PPP3CA: variants seen among roughly 807,000 people sequenced by gnomAD.
PPP3CA encodes protein phosphatase 3 catalytic subunit alpha.
Under a neutral mutation model 66.5 loss-of-function variants are expected in PPP3CA, and 14 were observed. The observed-to-expected ratio is 0.21, with a 90% CI of 0.14 to 0.33. The LOEUF (loss-of-function observed/expected upper bound fraction) is 0.33, where lower values mean the gene tolerates loss of function less well. Among genes scored for constraint, PPP3CA ranks in the 10% least tolerant of loss-of-function variants. The probability of loss-of-function intolerance (pLI) is 1.00; values close to 1 mark genes in which losing one functional copy is unlikely to be tolerated. For synonymous variants in PPP3CA, 232 were observed against 226.2 expected, an observed-to-expected ratio of 1.03 and a Z score of -0.23; for missense variants, 317 against 639.5, an observed-to-expected ratio of 0.50 and a Z score of 5.44.
intron 1 of PPP3CA, among the ~76,000 whole-genome samples, chr4:101,280,819 C>CAAAAAAAAA (rs5860668): frequency 1.2e-5 from 1 of 84,606 alleles, no homozygotes; most frequent in Non-Finnish European, 2.8e-5. Context: ...GACTCAGTCT[C>CAAAAAAAAA]AAAAAAAAAA....
chr4:101,080,908 A>G (rs1167241035), intron 7 of PPP3CA, among the ~76,000 whole-genome samples: 1 of 152,180 alleles, frequency 6.6e-6, no homozygotes, highest in Non-Finnish European at 1.5e-5. Flanking sequence ...TTGGAAAATC[A>G]TAATTCATTT....
intron 2 of PPP3CA, among the ~76,000 whole-genome samples, chr4:101,191,996 G>A (rs186948445): frequency 2.8e-3 from 425 of 152,206 alleles, no homozygotes; most frequent in Non-Finnish European, 4.6e-3. Flanking sequence ...CAGAACATGA[G>A]TTCTAAATCA....
At chr4:101,145,423 C>T (rs1722938536) in intron 2 of PPP3CA, among the ~76,000 whole-genome samples, 1 of 152,062 alleles carries the variant, frequency 6.6e-6, no homozygotes, top group African/African-American at 2.4e-5. Flanking sequence ...GGTACATATA[C>T]ATAAGGGAGT....
chr4:101,211,444 A>G (rs1560660899), intron 1 of PPP3CA, among the ~76,000 whole-genome samples: 2 of 152,184 alleles, frequency 1.3e-5, no homozygotes, highest in Non-Finnish European at 1.5e-5. Flanking sequence ...TCTAAATGCA[A>G]TAATGTTTAT....
chr4:101,043,970 C>T (rs991131901), intron 10 of PPP3CA, among the ~76,000 whole-genome samples: 1 of 152,110 alleles, frequency 6.6e-6, no homozygotes, highest in African/African-American at 2.4e-5. Context: ...ATAACCTGAC[C>T]ATGGACAGTA....
At chr4:101,038,516 C>T (rs1245961844) in intron 11 of PPP3CA, among the ~76,000 whole-genome samples, 3 of 151,858 alleles carry the variant, frequency 2.0e-5, no homozygotes, top group Non-Finnish European at 4.4e-5. Context: ...ATTACAGGCA[C>T]GTGTCACCAT....
intron 1 of PPP3CA, among the ~76,000 whole-genome samples, chr4:101,255,764 C>T (rs1029289776): frequency 4.0e-5 from 6 of 151,814 alleles, no homozygotes; most frequent in African/African-American, 1.2e-4. Flanking sequence ...CTCTGTAGTG[C>T]CACATTTAAA....
At chr4:101,292,081 AACACACACACACACACACACACAC>A (rs3974776) in intron 1 of PPP3CA, among the ~76,000 whole-genome samples, 4 of 130,726 alleles carry the variant, frequency 3.1e-5, no homozygotes, top group South Asian at 2.9e-4. Context: ...TGAGCCCATG[AACACACACACACACACACACACAC>A]ACACACACAC....
At chr4:101,178,898 C>A (rs1003770112) in intron 2 of PPP3CA, among the ~76,000 whole-genome samples, 1 of 152,100 alleles carries the variant, frequency 6.6e-6, no homozygotes, top group Non-Finnish European at 1.5e-5. Context: ...CCACCTCTGA[C>A]AAATCCTTTC....
chr4:101,328,278 A>C (rs1173792829), intron 1 of PPP3CA, among the ~76,000 whole-genome samples: 3 of 152,236 alleles, frequency 2.0e-5, no homozygotes, highest in Non-Finnish European at 4.4e-5. Context: ...ACTGTCTCCA[A>C]TCACCTGCCT....
chr4:101,048,880 G>T (rs1335737633), intron 10 of PPP3CA, among the ~76,000 whole-genome samples: 1 of 152,072 alleles, frequency 6.6e-6, no homozygotes, highest in East Asian at 1.9e-4. Context: ...CACTTTGAAA[G>T]CAACAGAAGA....
chr4:101,114,826 A>T (rs1353870067), intron 2 of PPP3CA, among the ~76,000 whole-genome samples: 3 of 152,104 alleles, frequency 2.0e-5, no homozygotes, highest in Admixed American at 1.3e-4. Context: ...TAGGAACAGA[A>T]AAATAACATG....
intron 11 of PPP3CA, among the ~76,000 whole-genome samples, chr4:101,038,202 G>C (rs1352601924): frequency 6.6e-6 from 1 of 151,988 alleles, no homozygotes; most frequent in Non-Finnish European, 1.5e-5. Flanking sequence ...CCACTTCCAG[G>C]AATGCCTTCA....
At chr4:101,208,255 A>G (rs1193065087) in intron 1 of PPP3CA, among the ~76,000 whole-genome samples, 1 of 152,198 alleles carries the variant, frequency 6.6e-6, no homozygotes, top group South Asian at 2.1e-4. Context: ...ACACAATCAG[A>G]TGATATAAGT....
chr4:101,292,654 C>T (rs1193313641), intron 1 of PPP3CA, among the ~76,000 whole-genome samples: 1 of 152,124 alleles, frequency 6.6e-6, no homozygotes, highest in South Asian at 2.1e-4. Flanking sequence ...TAATCAGGCT[C>T]TTCTCAATTT....
At chr4:101,156,843 G>C (rs1032236220) in intron 2 of PPP3CA, among the ~76,000 whole-genome samples, 1 of 152,190 alleles carries the variant, frequency 6.6e-6, no homozygotes, top group African/African-American at 2.4e-5. Flanking sequence ...TTCTAAAACT[G>C]ATGGTGAGTC....
At chr4:101,280,739 G>C (rs2099813) in intron 1 of PPP3CA, among the ~76,000 whole-genome samples, 29,723 of 149,866 alleles carry the variant, frequency 0.2, 3,590 homozygotes, top group East Asian at 0.51. Context: ...AGAATCACTT[G>C]AACCCAGGAG....
In PPP3CA at chr4:101,194,856, C is replaced by T. The variant is rs950978296; in HGVS notation, c.259+1060G>A. Reference sequence around the variant, plus strand: ...TGCTGGGATTATAAGAGTTAGCCACCGCGTCCAGCCCATACAAAATTTTTT... The same window carrying T: ...TGCTGGGATTATAAGAGTTAGCCACTGCGTCCAGCCCATACAAAATTTTTT... On this transcript the variant is annotated intron_variant, in intron 2 of 13. Transcript: ENST00000394854. 4.6e-5 allele frequency among the ~76,000 whole-genome samples: 7 copies of T among 152,006 alleles called. No homozygotes were observed. In the East Asian group the frequency reaches 5.8e-4, roughly 13 times the overall value.
chr4:101,136,043 C>A (rs1204925746), intron 2 of PPP3CA, among the ~76,000 whole-genome samples: 1 of 152,164 alleles, frequency 6.6e-6, no homozygotes, highest in African/African-American at 2.4e-5. Flanking sequence ...GCTGTCACTA[C>A]CATATTTCAA....
Sources: gnomAD v4.1 joint callset for allele counts (sites outside exome capture counted in the v4.1 genomes callset) on GRCh38, gnomAD v4.1.1 for gene constraint, MANE v1.5 for transcripts, NCBI Gene and HGNC (gene_info 2026-07-23, HGNC 2026-07-21) for gene names.